The following SLIT2 variants were observed in gnomAD, a reference collection of about 807,000 sequenced individuals.
SLIT2 encodes slit guidance ligand 2.
Under a neutral mutation model 185.7 loss-of-function variants are expected in SLIT2, and 41 were observed. The observed-to-expected ratio is 0.22, with a 90% CI of 0.17 to 0.29. The LOEUF (loss-of-function observed/expected upper bound fraction) is 0.29. SLIT2 is among the 10% of genes least tolerant of loss of function. The pLI is 1.00. For missense variants in SLIT2, 1,571 were observed against 1,909.0 expected, an observed-to-expected ratio of 0.82 and a Z score of 3.30; for synonymous variants, 693 against 680.2, an observed-to-expected ratio of 1.02 and a Z score of -0.29.
intron 33 of SLIT2, among the ~76,000 whole-genome samples, chr4:20,608,769 T>C (rs1230055581): frequency 6.6e-6 from 1 of 152,180 alleles, no homozygotes; most frequent in Admixed American, 6.5e-5. Context: ...TTTCTATCAT[T>C]CCCTAGACTT....
At chr4:20,478,850 A>G (rs1319190843) in intron 5 of SLIT2, among the ~76,000 whole-genome samples, 5 of 152,346 alleles carry the variant, frequency 3.3e-5, no homozygotes, top group Admixed American at 2.0e-4. Context: ...AAAAAAGGCT[A>G]TTAACTTAAT....
At chr4:20,380,996 G>A (rs930751190) in intron 4 of SLIT2, among the ~76,000 whole-genome samples, 1 of 152,118 alleles carries the variant, frequency 6.6e-6, no homozygotes, top group South Asian at 2.1e-4. Flanking sequence ...GCCCACTCCT[G>A]TAATCCCAGC....
intron 26 of SLIT2, chr4:20,554,184 A>G (rs1264165846): frequency 1.7e-6 from 1 of 605,082 alleles, no homozygotes; most frequent in East Asian, 3.0e-5. Context: ...ATTGGTAATG[A>G]CCAAGTTTTC....
intron 4 of SLIT2, among the ~76,000 whole-genome samples, chr4:20,313,921 G>A (rs185633500): frequency 3.3e-4 from 51 of 152,304 alleles, no homozygotes; most frequent in African/African-American, 1.2e-3. Flanking sequence ...AGGCCCAGGG[G>A]TTGGGGACCC....
intron 5 of SLIT2, among the ~76,000 whole-genome samples, chr4:20,471,326 G>T (rs982092724): frequency 3.3e-5 from 5 of 151,892 alleles, no homozygotes; most frequent in African/African-American, 9.7e-5. Flanking sequence ...TATAACTGAG[G>T]GTAAATTTAA....
At position 20,283,120 on chromosome 4, in the gene SLIT2, G is replaced by GCGCA. The variant is rs143964894; in HGVS notation, c.395+14240_395+14241insGCAC. On this transcript the variant is annotated intron_variant, in intron 4 of 36. Transcript: ENST00000504154. ...TGCCTGTGTGCCTGTGTGCGCGCGC[G>GCGCA]CACACACACACACACACACACACAA... Among the ~76,000 whole-genome samples the GCGCA allele has an allele frequency of 5.4e-3, 812 of 149,956 alleles. 8 individuals carry two copies. Among genetic ancestry groups the GCGCA allele is most frequent in the African/African-American group, 0.018 (758 of 41,132 alleles).
chr4:20,414,310 G>C (rs1727487649), intron 4 of SLIT2, among the ~76,000 whole-genome samples: 1 of 152,078 alleles, frequency 6.6e-6, no homozygotes, highest in Non-Finnish European at 1.5e-5. Context: ...TTGTTATACA[G>C]ATTACATCCT....
chr4:20,303,361 G>T lies in SLIT2; in HGVS notation c.395+34480G>T, dbSNP rs1717239993. 1.3e-5 allele frequency among the ~76,000 whole-genome samples: 2 copies of T among 151,998 alleles called. 1 individual carries two copies. Among genetic ancestry groups the T allele is most frequent in the South Asian group, 4.1e-4 (2 of 4,830 alleles). On this transcript the variant is annotated intron_variant, in intron 4 of 36. Coordinates refer to ENST00000504154, the MANE Select transcript of SLIT2 (RefSeq NM_004787.4). ...TTTTACTTGTTTTATTGTTTTCATT[G>T]AGGAGGAATTTATTTATTAGCTTCC...
chr4:20,567,713 T>G (rs185018497), intron 28 of SLIT2, 98 bp downstream of exon 28: 1 of 924,562 alleles, frequency 1.1e-6, no homozygotes, highest in East Asian at 2.4e-5. Flanking sequence ...GACAGTATTT[T>G]TCAAAGAATT....
At chr4:20,370,352 A>C (rs1354091412) in intron 4 of SLIT2, among the ~76,000 whole-genome samples, 1 of 151,890 alleles carries the variant, frequency 6.6e-6, no homozygotes, top group Non-Finnish European at 1.5e-5. Flanking sequence ...TACTAATTCA[A>C]CTCCTCCCTG....
chr4:20,356,614 C>G (rs1722343808), intron 4 of SLIT2, among the ~76,000 whole-genome samples: 1 of 152,124 alleles, frequency 6.6e-6, no homozygotes, highest in African/African-American at 2.4e-5. Flanking sequence ...CTTATTTCTC[C>G]AGTATTTCTC....
intron 21 of SLIT2, among the ~76,000 whole-genome samples, chr4:20,544,172 G>A (rs954025958): frequency 2.0e-5 from 3 of 151,550 alleles, no homozygotes; most frequent in Non-Finnish European, 4.4e-5. Flanking sequence ...TTAAAGTATA[G>A]TAAAAAAATA....
In SLIT2 at chr4:20,599,437, G is replaced by C. The variant is rs114915554; in HGVS notation, c.3692+1042G>C. On this transcript the variant is annotated intron_variant, in intron 33 of 36. Transcript: ENST00000504154. ...CAGATAAGTAACATAAATGATTAAA[G>C]AGGTCAAGTGCAAGAAAATAATATG... Among the ~76,000 whole-genome samples, 609 of 152,190 alleles carry C rather than the reference G, an allele frequency of 4.0e-3. 8 individuals carry two copies. Among genetic ancestry groups the C allele is most frequent in the African/African-American group, 0.014 (573 of 41,514 alleles).
chr4:20,515,955 A>ACAG (rs1390557374), intron 11 of SLIT2, among the ~76,000 whole-genome samples: 1 of 152,158 alleles, frequency 6.6e-6, no homozygotes, highest in African/African-American at 2.4e-5. Context: ...AGCTGGGATT[A>ACAG]CAGGCGCCTG....
At chr4:20,377,524 C>T (rs1724126160) in intron 4 of SLIT2, among the ~76,000 whole-genome samples, 1 of 152,132 alleles carries the variant, frequency 6.6e-6, no homozygotes, top group Admixed American at 6.6e-5. Flanking sequence ...AAGAGCTGCT[C>T]ATACTCCATT....
intron 9 of SLIT2, 85 bp from the exon 10 acceptor site, chr4:20,510,410 C>T (rs1359528904): frequency 1.1e-6 from 1 of 870,170 alleles, no homozygotes; most frequent in Non-Finnish European, 1.9e-6. Flanking sequence ...ATCAACTTTA[C>T]TTCTTGACAT....
chr4:20,585,926 A>G (rs1054967328), intron 29 of SLIT2, among the ~76,000 whole-genome samples: 8 of 152,208 alleles, frequency 5.3e-5, no homozygotes, highest in African/African-American at 1.9e-4. Context: ...GTTTGGGGGA[A>G]CTTTTCAATA....
intron 4 of SLIT2, among the ~76,000 whole-genome samples, chr4:20,389,322 C>T (rs1016688072): frequency 6.6e-6 from 1 of 151,868 alleles, no homozygotes; most frequent in African/African-American, 2.4e-5. Flanking sequence ...CAAATAACAT[C>T]TAAATATTAT....
intron 18 of SLIT2, among the ~76,000 whole-genome samples, chr4:20,535,887 AT>A: frequency 6.6e-6 from 1 of 152,100 alleles, no homozygotes; most frequent in Non-Finnish European, 1.5e-5. Context: ...TAAATGTGTC[AT>A]TAGGCAACGT....
Sources: allele counts gnomAD v4.1 joint callset (sites outside exome capture counted in the v4.1 genomes callset), GRCh38; gene constraint gnomAD v4.1.1; transcripts MANE v1.5; gene names NCBI Gene and HGNC (gene_info 2026-07-23, HGNC 2026-07-21).